STMN4: variants seen among roughly 807,000 people sequenced by gnomAD.
STMN4 encodes stathmin 4, also known as stathmin-4.
Under a neutral mutation model 29.1 loss-of-function variants are expected in STMN4, and 12 were observed. That is an observed-to-expected ratio of 0.41 (90% CI 0.26 to 0.67). The LOEUF (loss-of-function observed/expected upper bound fraction) is 0.67, where lower values mean the gene tolerates loss of function less well. Among genes scored for constraint, STMN4 ranks in the 30% least tolerant of loss-of-function variants. STMN4 has a pLI of 0.30. For synonymous variants in STMN4, 114 were observed against 105.3 expected (o/e 1.08, Z -0.51); for missense variants, 181 against 262.8 (o/e 0.69, Z 2.15).
At chr8:27,239,472 A>G in intron 6 of STMN4, 1 of 701,860 alleles carries the variant, frequency 1.4e-6, no homozygotes, top group South Asian at 1.9e-5. Context: ...AAAAGGCAAC[A>G]TATTGGAAAG....
intron 3 of STMN4, chr8:27,242,055 C>T (rs989579399): frequency 1.2e-5 from 7 of 564,904 alleles, no homozygotes; most frequent in African/African-American, 3.7e-5. Flanking sequence ...CACATCGTCT[C>T]ATCTTCTCTT....
intron 6 of STMN4, chr8:27,239,618 C>G (rs951800712): frequency 9.2e-6 from 11 of 1,196,390 alleles, no homozygotes. Flanking sequence ...TCAAATCAAT[C>G]CATTCAGGGA....
intron 1 of STMN4, among the ~76,000 whole-genome samples, chr8:27,244,231 CAGA>C (rs1801560480): frequency 6.6e-6 from 1 of 152,152 alleles, no homozygotes; most frequent in Admixed American, 6.5e-5. Context: ...GCACATGCCC[CAGA>C]AGTCTTTGGG....
At chr8:27,239,899 G>A in intron 6 of STMN4, 72 bp downstream of exon 6, 3 of 1,610,620 alleles carry the variant, frequency 1.9e-6, no homozygotes, top group African/African-American at 1.3e-5. Context: ...TGATCAGCAG[G>A]TCCCCGCATA....
chr8:27,242,524 G>T, intron 2 of STMN4, 32 bp from the exon 3 acceptor site: 2 of 1,600,742 alleles, frequency 1.2e-6, no homozygotes, highest in Non-Finnish European at 1.7e-6. Flanking sequence ...TGAGGATGGC[G>T]CCTCTCCTAG....
intron 6 of STMN4, among the ~76,000 whole-genome samples, chr8:27,237,907 C>G (rs970753900): frequency 6.6e-6 from 1 of 152,212 alleles, no homozygotes; most frequent in African/African-American, 2.4e-5. Context: ...ATCTTTTCTA[C>G]TATGGTGCCT....
chr8:27,244,390 C>T (rs980840328), intron 1 of STMN4, among the ~76,000 whole-genome samples: 15 of 152,120 alleles, frequency 9.9e-5, no homozygotes. Flanking sequence ...GAAAGAAAAA[C>T]ATTAAGGAAT....
intron 1 of STMN4, among the ~76,000 whole-genome samples, chr8:27,255,629 C>T (rs973301572): frequency 5.9e-5 from 9 of 152,086 alleles, no homozygotes; most frequent in Non-Finnish European, 5.9e-5. Flanking sequence ...ATTTATTTGC[C>T]CCATGTTCCT....
intron 1 of STMN4, among the ~76,000 whole-genome samples, chr8:27,246,096 T>C (rs1186900637): frequency 6.6e-6 from 1 of 152,184 alleles, no homozygotes; most frequent in Non-Finnish European, 1.5e-5. Flanking sequence ...AGATACTCAC[T>C]AATGCTTTCT....
At chr8:27,237,020 G>A (rs1172344613) in intron 6 of STMN4, 115 bp from the exon 7 acceptor site, 1 of 1,164,038 alleles carries the variant, frequency 8.6e-7, no homozygotes, top group East Asian at 2.6e-5. Context: ...GCAGCGAAGA[G>A]CTCTGTCTGC....
intron 1 of STMN4, among the ~76,000 whole-genome samples, chr8:27,250,018 C>T (rs1183309687): frequency 6.6e-6 from 1 of 152,106 alleles, no homozygotes; most frequent in East Asian, 1.9e-4. Flanking sequence ...GAAACTCTGG[C>T]CAAGAATCAG....
intron 1 of STMN4, among the ~76,000 whole-genome samples, chr8:27,249,244 G>C (rs774332593): frequency 1.5e-4 from 23 of 152,160 alleles, no homozygotes; most frequent in Non-Finnish European, 2.2e-4. Context: ...TTAAAGTGAA[G>C]AGATCAGAGC....
At chr8:27,252,065 G>T (rs1330017931) in intron 1 of STMN4, among the ~76,000 whole-genome samples, 2 of 151,692 alleles carry the variant, frequency 1.3e-5, no homozygotes, top group Non-Finnish European at 2.9e-5. Flanking sequence ...GCAGTGTTTG[G>T]TTTTTTGTCC....
intron 6 of STMN4, chr8:27,239,484 C>T: frequency 1.5e-6 from 1 of 684,186 alleles, no homozygotes; most frequent in Admixed American, 3.0e-5. Context: ...ATTGGAAAGA[C>T]CTGTGACTCA....
chr8:27,257,445 C>T (rs1801973164), intron 1 of STMN4, among the ~76,000 whole-genome samples: 1 of 144,830 alleles, frequency 6.9e-6, no homozygotes, highest in Admixed American at 7.3e-5. Context: ...ACCTCTCCCT[C>T]CGACCCCCAT....
intron 2 of STMN4, 124 bp from the exon 3 acceptor site, chr8:27,242,616 C>G (rs976845993): frequency 1.1e-6 from 1 of 879,692 alleles, no homozygotes. Flanking sequence ...CGCAGGCACA[C>G]GCCAAGCCTG....
At chr8:27,257,824 A>G (rs1801986890) in intron 1 of STMN4, among the ~76,000 whole-genome samples, 1 of 152,174 alleles carries the variant, frequency 6.6e-6, no homozygotes, top group Admixed American at 6.5e-5. Context: ...GGCGGGGCCA[A>G]GAGGAGGTGA....
chr8:27,244,391 A>T (rs575393478), intron 1 of STMN4, among the ~76,000 whole-genome samples: 3 of 152,178 alleles, frequency 2.0e-5, no homozygotes, highest in Non-Finnish European at 4.4e-5. Flanking sequence ...AAAGAAAAAC[A>T]TTAAGGAATC....
chr8:27,241,108 G>C lies in STMN4; in HGVS notation c.345C>G (p.Asp115Glu). The C allele has an allele frequency of 6.2e-7, 1 of 1,614,212 alleles. No homozygotes were observed. Among genetic ancestry groups the C allele is most frequent in the Non-Finnish European group, 8.5e-7 (1 of 1,180,034 alleles). The change falls in exon 5 of 7, where the codon GAC becomes GAG. Residue 115 changes from aspartate (D) to glutamate (E), a missense_variant. Asp to Glu is a conservative substitution (Grantham distance 45). Coordinates refer to ENST00000350889, the MANE Select transcript of STMN4 (RefSeq NM_030795.4). The part of the protein sequence containing the change: ...EFNASLPRRR[D>E]PSLEEIQKKL... The stretch of plus-strand genomic sequence containing the variant: ...TCTTCTGGATCTCTTCCAGGGATGG[G>C]TCTCGCCGCCTTGGCAGGGAGGCGT...
Sources: allele counts gnomAD v4.1 joint callset (sites outside exome capture counted in the v4.1 genomes callset), GRCh38; gene constraint gnomAD v4.1.1; transcripts MANE v1.5; gene names NCBI Gene and HGNC (gene_info 2026-07-23, HGNC 2026-07-21).